ZNF217: variants seen among roughly 807,000 people sequenced by gnomAD.
ZNF217 encodes the protein zinc finger protein 217.
A neutral mutation model predicts 73.3 loss-of-function variants in ZNF217; 12 were observed. The ratio of observed to expected loss-of-function variants is 0.16; its 90% CI spans 0.10 to 0.27. The LOEUF is 0.27. ZNF217 is among the 10% of genes least tolerant of loss of function. The pLI, the probability that ZNF217 is intolerant of heterozygous loss-of-function variation, is 1.00. For missense variants in ZNF217, 1,195 were observed against 1,327.8 expected, an observed-to-expected ratio of 0.90 and a Z score of 1.55; for synonymous variants, 588 against 516.4, an observed-to-expected ratio of 1.14 and a Z score of -1.88.
chr20:53,574,856 A>G (rs1988182727), intron 4 of ZNF217: 1 of 151,760 alleles, frequency 6.6e-6, no homozygotes, highest in Non-Finnish European at 1.5e-5. Flanking sequence ...GTGGATTGGC[A>G]CTGACTACTG....
At position 53,567,692 on chromosome 20, in the gene ZNF217, AG is replaced by A. The variant is rs1987804705; in HGVS notation, c.*1595del. On this transcript the variant is annotated 3_prime_UTR_variant, in exon 6 of 6. Coordinates refer to ENST00000371471, the MANE Select transcript of ZNF217 (RefSeq NM_006526.3). ...TGTACATATGGCTCAGCTTGTGAAC[AG>A]GAAAAAAGGTCAATAGTGTACACTT... The A allele has an allele frequency of 1.3e-5, 2 of 152,648 alleles. No individual in the cohort carries two copies. The highest frequency in any genetic ancestry group is 2.9e-5 in the Non-Finnish European group (2 of 68,036). 9.5% of individuals were successfully genotyped at this position (152,648 alleles called of 1,614,324 possible).
Position 53,571,630 on chromosome 20 carries a change from T to G in ZNF217, c.*23+91A>C, listed in dbSNP as rs1465089421. On this transcript the variant is annotated intron_variant, in intron 5 of 5. Coordinates refer to ENST00000371471, the MANE Select transcript of ZNF217 (RefSeq NM_006526.3). ...CCATGTTGGCCAAGCTGGTCTCAAA[T>G]GCTCGATCTCAGGTGATCCGCCCGC... 3 of 1,432,694 alleles carry G rather than the reference T, an allele frequency of 2.1e-6. No individual in the cohort carries two copies. In the African/African-American group the frequency reaches 4.4e-5, roughly 21 times the overall value. The allele number at this position is 1,432,694 out of a possible 1,614,324, so 88.7% of individuals were successfully genotyped here.
intron 1 of ZNF217, among the ~76,000 whole-genome samples, chr20:53,589,422 T>TG (rs1426070771): frequency 2.0e-5 from 3 of 152,240 alleles, no homozygotes; most frequent in Admixed American, 2.0e-4. Flanking sequence ...GTAATGGAGA[T>TG]GTTCAGAACA....
At chr20:53,586,810 C>G (rs1420897979) in intron 1 of ZNF217, among the ~76,000 whole-genome samples, 3 of 152,196 alleles carry the variant, frequency 2.0e-5, no homozygotes, top group African/African-American at 7.2e-5. Flanking sequence ...TTCCCAGAAG[C>G]CTCCAGCTCT....
intron 1 of ZNF217, 79 bp from the exon 2 acceptor site, chr20:53,583,247 T>C: frequency 2.5e-6 from 1 of 401,938 alleles, no homozygotes; most frequent in South Asian, 1.2e-4. Flanking sequence ...TACGGTCTTT[T>C]CCACGCAGCA....
intron 5 of ZNF217, among the ~76,000 whole-genome samples, chr20:53,569,879 G>C (rs1279739049): frequency 6.6e-6 from 1 of 152,182 alleles, no homozygotes; most frequent in African/African-American, 2.4e-5. Context: ...AGGACTGCTT[G>C]AGCCCAGGAG....
intron 1 of ZNF217, among the ~76,000 whole-genome samples, chr20:53,592,963 G>C (rs1418436275): frequency 6.6e-6 from 1 of 151,932 alleles, no homozygotes; most frequent in South Asian, 2.1e-4. Context: ...CTAGAATTGA[G>C]TTGTAAAGAT....
At chr20:53,589,908 G>A (rs1347899853) in intron 1 of ZNF217, among the ~76,000 whole-genome samples, 1 of 115,698 alleles carries the variant, frequency 8.6e-6, no homozygotes, top group Non-Finnish European at 1.7e-5. Flanking sequence ...CCTCCCCCCC[G>A]CAGAATCTGG....
At position 53,571,770 on chromosome 20, in the gene ZNF217, A is replaced by C. The variant is rs1988021103; in HGVS notation, c.3121T>G (p.Tyr1041Asp). ...NYENFIGNAHYRPNDKKT is the reference protein window; with the variant it reads ...NYENFIGNAHDRPNDKKT ...CAAGTTTTTTTGTCATTTGGTCGAT[A>C]ATGTGCATTCCCAATAAAATTCTCA... Residue 1041 changes from tyrosine to aspartate, a missense_variant, in exon 5 of 6, where the codon TAT becomes GAT. By Grantham distance (160) the Tyr-to-Asp change is radical. Around this residue, in one of 9 missense-constraint regions of ZNF217, gnomAD observed 649 missense variants for 642.8 expected, o/e 1.01. Coordinates refer to ENST00000371471, the MANE Select transcript of ZNF217 (RefSeq NM_006526.3). 6.2e-7 allele frequency: 1 copy of C among 1,612,820 alleles called. No homozygotes were observed. Among genetic ancestry groups the C allele is most frequent in the Admixed American group, 1.7e-5 (1 of 59,770 alleles).
At chr20:53,588,619 TATATATAC>T (rs1179034423) in intron 1 of ZNF217, among the ~76,000 whole-genome samples, 62 of 112,350 alleles carry the variant, frequency 5.5e-4, no homozygotes, top group Admixed American at 1.3e-3. Context: ...TATATATATA[TATATATAC>T]ACACACACAC....
Position 53,582,233 on chromosome 20 carries a change from C to T in ZNF217, c.594G>A (p.Thr198=), listed in dbSNP as rs780175432. ...CGTGCACCTGGACGACCTCGTTGAT[C>T]GTTGCTGGACTACTCTCCAAGCCTT... ...LQQGLESSPA[T]INEVVQVHAA... The change falls in exon 2 of 6, where the codon ACG becomes ACA. Residue 198 remains threonine (T), a synonymous_variant. Coordinates refer to ENST00000371471, the MANE Select transcript of ZNF217 (RefSeq NM_006526.3). The surrounding 1 kb of genome is among the most constrained non-coding windows in gnomAD (Gnocchi z 4.8). 44 of 1,614,008 alleles carry T rather than the reference C, an allele frequency of 2.7e-5. 1 individual carries two copies. The Admixed American group carries it at 6.0e-4, about 22-fold the overall frequency.
chr20:53,593,095 G>A (rs912406759), intron 1 of ZNF217, among the ~76,000 whole-genome samples: 4 of 151,868 alleles, frequency 2.6e-5, no homozygotes, highest in African/African-American at 4.8e-5. Flanking sequence ...CCTGTTCAGG[G>A]ATGAGCAGGC....
intron 4 of ZNF217, among the ~76,000 whole-genome samples, chr20:53,573,156 T>C (rs1257860595): frequency 6.8e-6 from 1 of 147,572 alleles, no homozygotes; most frequent in Non-Finnish European, 1.5e-5. Context: ...GGAGTCTCGC[T>C]CTGTCGCCCA....
rs750229046 is a variant in ZNF217 at position 53,576,219 on chromosome 20, G to A, written c.2545C>T (p.Pro849Ser). 1.6e-5 allele frequency: 26 copies of A among 1,614,102 alleles called. No individual in the cohort carries two copies. The South Asian group carries it at 2.7e-4, about 17-fold the overall frequency. ...SEMFPKTSVSPAPDKTKRPET... is the reference protein window; with the variant it reads ...SEMFPKTSVSSAPDKTKRPET... ...GGTCTTTTTGTCTTATCCGGTGCAG[G>A]GGAAACACTGGTTTTAGGAAACATC... Residue 849 changes from proline to serine, a missense_variant, in exon 4 of 6, where the codon CCT becomes TCT. Pro to Ser is a moderately conservative substitution (Grantham distance 74). Around this residue, in one of 9 missense-constraint regions of ZNF217, gnomAD observed 649 missense variants for 642.8 expected, o/e 1.01. Coordinates refer to ENST00000371471, the MANE Select transcript of ZNF217 (RefSeq NM_006526.3).
intron 1 of ZNF217, among the ~76,000 whole-genome samples, 163 bp downstream of exon 1, chr20:53,593,593 G>A (rs1268149528): frequency 6.6e-6 from 1 of 151,984 alleles, no homozygotes; most frequent in African/African-American, 2.4e-5. Flanking sequence ...GGCTGGGGAG[G>A]GGGCGCCCTA....
chr20:53,591,837 CTT>C (rs1309666438), intron 1 of ZNF217, among the ~76,000 whole-genome samples: 2 of 152,134 alleles, frequency 1.3e-5, no homozygotes, highest in Non-Finnish European at 1.5e-5. Flanking sequence ...TATCATAAAA[CTT>C]AGCATTTTAA....
chr20:53,571,400 GCC>G (rs200475677), intron 5 of ZNF217, among the ~76,000 whole-genome samples: 2 of 19,828 alleles, frequency 1.0e-4, no homozygotes, highest in Non-Finnish European at 1.8e-4. Context: ...ATCAATCCCC[GCC>G]CCCGCCCCCC....
In ZNF217 at chr20:53,581,828, A is replaced by G. The variant is rs1254205937; in HGVS notation, c.999T>C (p.Leu333=). The G allele has an allele frequency of 6.2e-7, 1 of 1,614,040 alleles. No homozygotes were observed. ...CACAACTGCCCTTATTTGTTTCTCC[A>G]AGCTCCTTCTCGGAACTCGAATCGT... ...DNDDSSSEKE[L]GETNKGSCAG... The change falls in exon 2 of 6, where the codon CTT becomes CTC. Residue 333 remains leucine, a synonymous_variant. Coordinates refer to ENST00000371471, the MANE Select transcript of ZNF217 (RefSeq NM_006526.3). This position sits in a 1 kb window ranked among gnomAD's most constrained non-coding sequence, Gnocchi z 4.9.
intron 1 of ZNF217, among the ~76,000 whole-genome samples, chr20:53,591,933 T>C (rs183117252): frequency 2.2e-4 from 34 of 152,352 alleles, no homozygotes; most frequent in Admixed American, 1.6e-3. Flanking sequence ...AATCTCCTTC[T>C]TGACATATAC....
Sources: gnomAD v4.1 joint callset for allele counts (sites outside exome capture counted in the v4.1 genomes callset) on GRCh38, gnomAD v4.1.1 for gene constraint, gnomAD v4.1.1 regional missense constraint, Gnocchi (gnomAD v3.1) non-coding constraint, MANE v1.5 for transcripts, NCBI Gene and HGNC (gene_info 2026-07-23, HGNC 2026-07-21) for gene names.